SLC41A2: variants seen among roughly 807,000 people sequenced by gnomAD.
SLC41A2 encodes the protein SLC41A1-like 1.
Under a neutral mutation model 58.3 loss-of-function variants are expected in SLC41A2, and 32 were observed. That is an observed-to-expected ratio of 0.55 (90% CI 0.41 to 0.74). The LOEUF (loss-of-function observed/expected upper bound fraction) is 0.74. Among genes scored for constraint, SLC41A2 ranks in the 30% least tolerant of loss-of-function variants. The pLI, the probability that SLC41A2 is intolerant of heterozygous loss-of-function variation, is 0.00. For missense variants in SLC41A2, 514 were observed against 680.6 expected, an observed-to-expected ratio of 0.76 and a Z score of 2.72; for synonymous variants, 190 against 235.0, an observed-to-expected ratio of 0.81 and a Z score of 1.75.
chr12:104,923,785 A>G (rs1363723975), intron 2 of SLC41A2, among the ~76,000 whole-genome samples: 2 of 152,222 alleles, frequency 1.3e-5, no homozygotes, highest in African/African-American at 4.8e-5. Flanking sequence ...TCAAGAAACC[A>G]GTAACCAAAC....
chr12:104,847,498 C>T (rs959019472), intron 8 of SLC41A2, among the ~76,000 whole-genome samples: 4 of 150,098 alleles, frequency 2.7e-5, no homozygotes, highest in Non-Finnish European at 5.9e-5. Flanking sequence ...CCAGCTACCC[C>T]GGAGGCTGAG....
intron 8 of SLC41A2, among the ~76,000 whole-genome samples, chr12:104,853,233 G>A (rs1480080938): frequency 6.6e-6 from 1 of 152,144 alleles, no homozygotes; most frequent in Non-Finnish European, 1.5e-5. Flanking sequence ...CTAACGTCAT[G>A]GAATATATTT....
chr12:104,909,270 C>T (rs2045978757), intron 3 of SLC41A2, among the ~76,000 whole-genome samples: 1 of 152,076 alleles, frequency 6.6e-6, no homozygotes, highest in Non-Finnish European at 1.5e-5. Flanking sequence ...TTTAGATTTT[C>T]TTTTTTATAT....
intron 1 of SLC41A2, among the ~76,000 whole-genome samples, chr12:104,932,169 T>C (rs1237502634): frequency 1.3e-5 from 2 of 152,204 alleles, no homozygotes; most frequent in Non-Finnish European, 2.9e-5. Context: ...GTCTATTATC[T>C]CCTTAATGAT....
chr12:104,898,617 T>C (rs1593099734), intron 3 of SLC41A2, among the ~76,000 whole-genome samples: 1 of 151,982 alleles, frequency 6.6e-6, no homozygotes, highest in Admixed American at 6.6e-5. Context: ...AAGTGTTAGG[T>C]GTATGGATAA....
At chr12:104,847,068 A>G (rs1360346696) in intron 8 of SLC41A2, among the ~76,000 whole-genome samples, 1 of 152,204 alleles carries the variant, frequency 6.6e-6, no homozygotes, top group Admixed American at 6.5e-5. Context: ...GGGTGTTGAA[A>G]CCATCCAACA....
intron 1 of SLC41A2, among the ~76,000 whole-genome samples, chr12:104,945,809 C>T (rs2047697223): frequency 6.6e-6 from 1 of 152,164 alleles, no homozygotes; most frequent in African/African-American, 2.4e-5. Context: ...TGCTGTACTC[C>T]ATTTTTTCAT....
chr12:104,856,745 G>T (rs1373070740), intron 8 of SLC41A2, among the ~76,000 whole-genome samples: 1 of 152,100 alleles, frequency 6.6e-6, no homozygotes, highest in Non-Finnish European at 1.5e-5. Context: ...AGGGGTGAAA[G>T]AAGTTAAAAA....
chr12:104,805,815 C>A (rs180886737), intron 10 of SLC41A2, among the ~76,000 whole-genome samples: 119 of 152,138 alleles, frequency 7.8e-4, no homozygotes, highest in Non-Finnish European at 1.2e-3. Flanking sequence ...AATTTCAGTG[C>A]AGTAGTAAGA....
intron 6 of SLC41A2, among the ~76,000 whole-genome samples, chr12:104,875,592 C>T (rs574089986): frequency 1.8e-3 from 272 of 152,218 alleles, no homozygotes; most frequent in Non-Finnish European, 1.2e-3. Context: ...ATGAGTTTGA[C>T]ACCAGACTAG....
At chr12:104,867,201 G>A (rs1196123966) in intron 6 of SLC41A2, among the ~76,000 whole-genome samples, 1 of 151,962 alleles carries the variant, frequency 6.6e-6, no homozygotes, top group Non-Finnish European at 1.5e-5. Flanking sequence ...AGAAAAACTA[G>A]GTTTGATTCT....
At chr12:104,866,812 A>G (rs529684312) in intron 6 of SLC41A2, among the ~76,000 whole-genome samples, 13 of 152,302 alleles carry the variant, frequency 8.5e-5, no homozygotes, top group African/African-American at 2.6e-4. Flanking sequence ...AAATAGTTAC[A>G]TAACCTACAT....
chr12:104,858,057 G>T (rs565343253), intron 8 of SLC41A2, among the ~76,000 whole-genome samples: 27 of 152,080 alleles, frequency 1.8e-4, no homozygotes, highest in Admixed American at 7.2e-4. Flanking sequence ...AAGAAATCTC[G>T]TAGTAAGCAA....
At chr12:104,905,885 C>T (rs1391680066) in intron 3 of SLC41A2, among the ~76,000 whole-genome samples, 3 of 152,220 alleles carry the variant, frequency 2.0e-5, no homozygotes, top group Non-Finnish European at 2.9e-5. Context: ...GGTTCCCGCT[C>T]GTGCCTCTCC....
At chr12:104,871,135 TTTAAAG>T (rs1427559441) in intron 6 of SLC41A2, among the ~76,000 whole-genome samples, 6 of 152,226 alleles carry the variant, frequency 3.9e-5, no homozygotes, top group Admixed American at 3.3e-4. Context: ...AAGCCATCTG[TTTAAAG>T]TTAATCTTGA....
At chr12:104,814,847 CACTA>C (rs1286830860) in intron 10 of SLC41A2, among the ~76,000 whole-genome samples, 1 of 152,218 alleles carries the variant, frequency 6.6e-6, no homozygotes, top group Admixed American at 6.5e-5. Context: ...TGGTTTCTAA[CACTA>C]ACCAGTTATA....
intron 1 of SLC41A2, among the ~76,000 whole-genome samples, chr12:104,940,354 G>T (rs924916690): frequency 1.3e-5 from 2 of 150,812 alleles, no homozygotes; most frequent in Non-Finnish European, 3.0e-5. Flanking sequence ...GCTCACCTGG[G>T]GGGGAGGGGG....
At chr12:104,876,158 C>CT (rs201562627) in intron 6 of SLC41A2, among the ~76,000 whole-genome samples, 2 of 151,228 alleles carry the variant, frequency 1.3e-5, no homozygotes, top group African/African-American at 4.9e-5. Context: ...TCAGTCTTCT[C>CT]TTTTTTTTTC....
chr12:104,926,939 A>G (rs1407530468), intron 2 of SLC41A2, among the ~76,000 whole-genome samples: 1 of 151,936 alleles, frequency 6.6e-6, no homozygotes, highest in African/African-American at 2.4e-5. Context: ...ATTTTTTTTA[A>G]TTAGTGAGGT....
Sources: gnomAD v4.1 joint callset for allele counts (sites outside exome capture counted in the v4.1 genomes callset) on GRCh38, gnomAD v4.1.1 for gene constraint, MANE v1.5 for transcripts, NCBI Gene and HGNC (gene_info 2026-07-23, HGNC 2026-07-21) for gene names.